The following CTNNA2 variants were observed in gnomAD, a reference collection of about 807,000 sequenced individuals.
The protein encoded by CTNNA2 is catenin alpha 2.
CTNNA2 carries 42 observed loss-of-function variants against 101.0 expected under a neutral mutation model. The ratio of observed to expected loss-of-function variants is 0.42; its 90% CI spans 0.32 to 0.54. The LOEUF (loss-of-function observed/expected upper bound fraction) is 0.54, where lower values mean the gene tolerates loss of function less well. CTNNA2 is among the 20% of genes least tolerant of loss of function. The probability of loss-of-function intolerance (pLI) is 0.14; values close to 1 mark genes in which losing one functional copy is unlikely to be tolerated. For synonymous variants in CTNNA2, 450 were observed against 456.4 expected (o/e 0.99, Z 0.18); for missense variants, 871 against 1,223.1 (o/e 0.71, Z 4.29).
intron 9 of CTNNA2, among the ~76,000 whole-genome samples, chr2:80,518,588 T>C (rs1689282553): frequency 6.6e-6 from 1 of 152,212 alleles, no homozygotes; most frequent in Non-Finnish European, 1.5e-5. Flanking sequence ...CTTCAGCTGG[T>C]CTGCAGTGTC....
Position 80,130,904 on chromosome 2 carries a change from C to T in CTNNA2, c.1056+221107C>T, listed in dbSNP as rs17018652. 3.5e-3 allele frequency among the ~76,000 whole-genome samples: 532 copies of T among 150,618 alleles called. 2 individuals carry two copies. Among genetic ancestry groups the T allele is most frequent in the African/African-American group, 0.011 (465 of 41,072 alleles). ...CCAACTCTAAGAAAATATATTAATT[C>T]GCCTTGTGATTAAAAAGAATAATAC... On this transcript the variant is annotated intron_variant, in intron 7 of 18. Transcript: ENST00000402739.
At position 80,477,825 on chromosome 2, in the gene CTNNA2, C is replaced by T. The variant is rs149847668; in HGVS notation, c.1290+58224C>T. On this transcript the variant is annotated intron_variant, in intron 9 of 18. Coordinates refer to ENST00000402739, the MANE Select transcript of CTNNA2 (RefSeq NM_001282597.3). ...CACTTAGGTTAATTCCATATCTTTG[C>T]AATTGTGAATTGTGCTGTGATAAAC... Among the ~76,000 whole-genome samples, 540 of 151,338 alleles carry T rather than the reference C, an allele frequency of 3.6e-3. 14 individuals carry two copies. The highest frequency in any genetic ancestry group is 0.032 in the Admixed American group (481 of 15,140).
At chr2:79,488,318 C>CA (rs61641596) in intron 4 of CTNNA2, among the ~76,000 whole-genome samples, 19,202 of 95,830 alleles carry the variant, frequency 0.2, 2,603 homozygotes, top group Non-Finnish European at 0.28. Flanking sequence ...AACTCCATCT[C>CA]AAAAAAAAAA....
At chr2:80,176,243 C>G (rs970265941) in intron 7 of CTNNA2, among the ~76,000 whole-genome samples, 3 of 152,140 alleles carry the variant, frequency 2.0e-5, no homozygotes, top group Non-Finnish European at 4.4e-5. Context: ...TATAGCTATC[C>G]TTTGTACTAC....
chr2:79,304,656 GTAAGAACTCAATAAACGTCTGC>G (rs1290176585), intron 2 of CTNNA2, among the ~76,000 whole-genome samples: 3 of 152,158 alleles, frequency 2.0e-5, no homozygotes, highest in East Asian at 1.9e-4. Context: ...TGGCACTATT[GTAAGAACTCAATAAACGTCTGC>G]TAAGAACTCA....
chr2:80,519,210 C>T (rs568709287), intron 9 of CTNNA2, among the ~76,000 whole-genome samples: 5 of 152,054 alleles, frequency 3.3e-5, no homozygotes, highest in Non-Finnish European at 7.4e-5. Flanking sequence ...GCTGAGAAAG[C>T]CAAAAGGAAA....
At chr2:79,611,589 A>T (rs1253496784) in intron 1 of CTNNA2, among the ~76,000 whole-genome samples, 1 of 152,144 alleles carries the variant, frequency 6.6e-6, no homozygotes, top group Non-Finnish European at 1.5e-5. Flanking sequence ...TCTGAGGATC[A>T]GGAAGGGCTT....
intron 7 of CTNNA2, among the ~76,000 whole-genome samples, chr2:80,161,366 G>A (rs949413425): frequency 1.3e-5 from 2 of 151,966 alleles, no homozygotes; most frequent in African/African-American, 4.8e-5. Flanking sequence ...TATTAAAAAG[G>A]AACAGTACGA....
intron 7 of CTNNA2, among the ~76,000 whole-genome samples, chr2:80,165,259 G>T (rs1704600856): frequency 1.4e-5 from 2 of 148,052 alleles, no homozygotes; most frequent in African/African-American, 5.0e-5. Context: ...GTTTCTCTCT[G>T]TTGTTCAAAA....
intron 1 of CTNNA2, among the ~76,000 whole-genome samples, chr2:79,566,636 T>A (rs1675131274): frequency 6.6e-6 from 1 of 152,122 alleles, no homozygotes; most frequent in Non-Finnish European, 1.5e-5. Context: ...ATGAGATAAT[T>A]ATGATTATTT....
intron 4 of CTNNA2, among the ~76,000 whole-genome samples, chr2:79,428,236 C>T (rs972028240): frequency 2.0e-5 from 3 of 151,976 alleles, no homozygotes; most frequent in African/African-American, 7.2e-5. Flanking sequence ...TTTCCTCAAT[C>T]AAGGAGCAGT....
At chr2:80,253,384 G>T (rs1671908082) in intron 7 of CTNNA2, among the ~76,000 whole-genome samples, 1 of 152,112 alleles carries the variant, frequency 6.6e-6, no homozygotes, top group African/African-American at 2.4e-5. Flanking sequence ...CTAAAACAGG[G>T]TATGTCCAGA....
intron 4 of CTNNA2, among the ~76,000 whole-genome samples, chr2:79,858,411 G>A (rs1681313420): frequency 6.6e-6 from 1 of 152,102 alleles, no homozygotes; most frequent in African/African-American, 2.4e-5. Flanking sequence ...TAAAAACTGA[G>A]AGTTTAGATT....
chr2:79,251,733 A>G (rs6710298), intron 2 of CTNNA2, among the ~76,000 whole-genome samples: 64,896 of 151,862 alleles, frequency 0.43, 14,785 homozygotes, highest in East Asian at 0.51. Flanking sequence ...GTCCTCCCCA[A>G]CTTGGGCCTG....
intron 4 of CTNNA2, among the ~76,000 whole-genome samples, chr2:79,413,177 G>C (rs151078387): frequency 1.3e-5 from 2 of 152,002 alleles, no homozygotes; most frequent in East Asian, 3.9e-4. Flanking sequence ...TGCAGGGGTG[G>C]CTGGGGAGGG....
intron 2 of CTNNA2, among the ~76,000 whole-genome samples, chr2:79,710,681 A>T (rs1325689144): frequency 6.6e-6 from 1 of 152,130 alleles, no homozygotes; most frequent in African/African-American, 2.4e-5. Flanking sequence ...ATCAGCTTTC[A>T]AACCTGGTGT....
Position 79,916,865 on chromosome 2 carries a change from C to T in CTNNA2, c.1056+7068C>T, listed in dbSNP as rs546657903. Among the ~76,000 whole-genome samples, 71 of 152,056 alleles carry T rather than the reference C, an allele frequency of 4.7e-4. 1 individual carries two copies. Among genetic ancestry groups the T allele is most frequent in the Admixed American group, 5.9e-4 (9 of 15,286 alleles). On this transcript the variant is annotated intron_variant, in intron 7 of 18. Transcript: ENST00000402739. ...GTCTCGATCTCCTGACCTAGTGATC[C>T]GCCCAACTTGGCCTCTCAAAGTGCT...
At chr2:79,889,288 AT>A (rs1336439714) in intron 6 of CTNNA2, among the ~76,000 whole-genome samples, 1 of 152,234 alleles carries the variant, frequency 6.6e-6, no homozygotes, top group Non-Finnish European at 1.5e-5. Context: ...GCAGAATATT[AT>A]GGAAACTTCA....
chr2:79,833,039 C>A (rs1274746844), intron 3 of CTNNA2, among the ~76,000 whole-genome samples: 1 of 152,126 alleles, frequency 6.6e-6, no homozygotes, highest in Non-Finnish European at 1.5e-5. Flanking sequence ...TAGTGATATA[C>A]GTATAAATTA....
Sources: allele counts gnomAD v4.1 joint callset (sites outside exome capture counted in the v4.1 genomes callset), GRCh38; gene constraint gnomAD v4.1.1; transcripts MANE v1.5; gene names NCBI Gene and HGNC (gene_info 2026-07-23, HGNC 2026-07-21).